Variants in MBP observed in about 807,000 individuals in gnomAD.
MBP encodes Golli-MBP.
A neutral mutation model predicts 35.8 loss-of-function variants in MBP; 16 were observed. The observed-to-expected ratio is 0.45, with a 90% CI of 0.30 to 0.68. MBP has a LOEUF of 0.68. Among genes scored for constraint, MBP ranks in the 30% least tolerant of loss-of-function variants. The pLI, the probability that MBP is intolerant of heterozygous loss-of-function variation, is 0.08. For synonymous variants in MBP, 143 were observed against 159.6 expected, an observed-to-expected ratio of 0.90 and a Z score of 0.78; for missense variants, 380 against 404.7, an observed-to-expected ratio of 0.94 and a Z score of 0.52.
In MBP at chr18:76,980,298, G is replaced by C; in HGVS notation, c.*129C>G. ...GGCTGCCGTGGCCTGACCCTACTAC[G>C]TGCACAACTCCGCAGGCATTAGGGG... On this transcript the variant is annotated 3_prime_UTR_variant, in exon 9 of 9. Coordinates refer to ENST00000355994, the MANE Select transcript of MBP (RefSeq NM_001025101.2). 1 of 879,428 alleles carries C rather than the reference G, an allele frequency of 1.1e-6. No individual in the cohort carries two copies. The highest frequency in any genetic ancestry group is 2.0e-6 in the Non-Finnish European group (1 of 511,344). 54.5% of individuals were successfully genotyped at this position (879,428 alleles called of 1,614,324 possible).
intron 3 of MBP, among the ~76,000 whole-genome samples, chr18:77,043,748 G>C (rs1348401034): frequency 6.6e-6 from 1 of 152,196 alleles, no homozygotes; most frequent in Non-Finnish European, 1.5e-5. Flanking sequence ...GGCGTGGTGA[G>C]TAAAACTTTC....
intron 2 of MBP, among the ~76,000 whole-genome samples, chr18:77,071,873 C>T (rs575713625): frequency 1.4e-4 from 22 of 152,188 alleles, no homozygotes; most frequent in African/African-American, 5.1e-4. Flanking sequence ...GTGTCAATGG[C>T]GTAGGAAGTG....
chr18:77,076,982 CTCTTAT>C (rs1211806285), intron 2 of MBP, among the ~76,000 whole-genome samples: 3 of 152,076 alleles, frequency 2.0e-5, no homozygotes, highest in Non-Finnish European at 4.4e-5. Context: ...ATAATAGTAC[CTCTTAT>C]TGTTATCAGG....
At chr18:77,098,884 A>G (rs1373425584) in intron 2 of MBP, among the ~76,000 whole-genome samples, 4 of 152,050 alleles carry the variant, frequency 2.6e-5, no homozygotes, top group Non-Finnish European at 5.9e-5. Context: ...CAATCCTTAC[A>G]ACTGCATTTA....
At chr18:77,053,150 G>T (rs931574459) in intron 3 of MBP, among the ~76,000 whole-genome samples, 1 of 152,244 alleles carries the variant, frequency 6.6e-6, no homozygotes, top group Non-Finnish European at 1.5e-5. Flanking sequence ...TGTCTCCAGG[G>T]AGCTCAACAC....
At chr18:77,114,691 C>T (rs996482388) in intron 1 of MBP, 7 of 152,336 alleles carry the variant, frequency 4.6e-5, no homozygotes, top group South Asian at 2.1e-4. Flanking sequence ...GGCAGAGTCA[C>T]GCAGGCACAC....
At chr18:77,016,251 A>G in intron 4 of MBP, 2 of 985,494 alleles carry the variant, frequency 2.0e-6, no homozygotes, top group South Asian at 4.7e-5. Flanking sequence ...AAGATAATAA[A>G]GCTTTGATTC....
At chr18:77,108,320 G>A (rs1486284633) in intron 1 of MBP, 4 of 152,220 alleles carry the variant, frequency 2.6e-5, no homozygotes, top group Non-Finnish European at 5.9e-5. Context: ...CAAATTGAGA[G>A]AGCCAGAGAA....
intron 2 of MBP, among the ~76,000 whole-genome samples, chr18:77,097,676 G>A (rs1975817092): frequency 1.3e-5 from 2 of 152,196 alleles, no homozygotes; most frequent in Admixed American, 1.3e-4. Context: ...TGTGTTAGGA[G>A]CTGCCAGCCA....
rs561627787 is a variant in MBP at position 77,010,202 on chromosome 18, A to C, written c.576+6630T>G. ...CGAGAGCAAAAGGAAAGTTTAGGGA[A>C]GAATTCTCTCCTCCAAAGTCTATTC... On this transcript the variant is annotated intron_variant, in intron 4 of 8. Coordinates refer to ENST00000355994, the MANE Select transcript of MBP (RefSeq NM_001025101.2). The C allele has an allele frequency of 4.3e-4, 214 of 493,734 alleles. 1 individual carries two copies. Among genetic ancestry groups the C allele is most frequent in the Middle Eastern group, 3.3e-3 (6 of 1,844 alleles). The allele number at this position is 493,734 out of a possible 1,614,324, so 30.6% of individuals were successfully genotyped here.
In MBP at chr18:76,988,682, G is replaced by A. The variant is rs929441942; in HGVS notation, c.718-155C>T. Reference sequence around the variant, plus strand: ...GGGGGGCCGCAGGCTCAGGGCCACAGCGGCTGTGCAGGTGCGGGAGGGACA... The same window carrying A: ...GGGGGGCCGCAGGCTCAGGGCCACAACGGCTGTGCAGGTGCGGGAGGGACA... On this transcript the variant is annotated intron_variant, in intron 6 of 8. Transcript: ENST00000355994. The surrounding 1 kb of genome is among the most constrained non-coding windows in gnomAD (Gnocchi z 5.2). 49 of 1,442,620 alleles carry A rather than the reference G, an allele frequency of 3.4e-5. No individual in the cohort carries two copies. The African/African-American group carries it at 6.4e-4, about 19-fold the overall frequency. The allele number at this position is 1,442,620 out of a possible 1,614,324, so 89.4% of individuals were successfully genotyped here. A position where few individuals can be genotyped will look rare whatever the true frequency, so the allele number is the denominator to read the frequency against.
chr18:77,125,705 T>G (rs909395671), intron 1 of MBP, among the ~76,000 whole-genome samples: 3 of 152,158 alleles, frequency 2.0e-5, no homozygotes, highest in African/African-American at 7.2e-5. Context: ...ATAGCGTAAA[T>G]CTATAGCCCT....
chr18:77,068,480 G>GT (rs1599177846), intron 2 of MBP, among the ~76,000 whole-genome samples: 1 of 152,202 alleles, frequency 6.6e-6, no homozygotes. Context: ...TTTGTTCTCT[G>GT]TGTCTGCTTT....
rs537334726 is a variant in MBP at position 77,094,602 on chromosome 18, T to TG, written c.51+10608dup. ...CACGCCAGCATTGTCTTTTTCTATT[T>TG]GGGGCATTCATAAATGTGACTGTAT... is the stretch of plus-strand genomic sequence containing the variant. On this transcript the variant is annotated intron_variant, in intron 2 of 8. Transcript: ENST00000355994. Among the ~76,000 whole-genome samples, 18 of 152,320 alleles carry TG rather than the reference T, an allele frequency of 1.2e-4. No individual in the cohort carries two copies. In the East Asian group the frequency reaches 2.7e-3, roughly 23 times the overall value.
intron 3 of MBP, among the ~76,000 whole-genome samples, chr18:77,060,383 T>C (rs1339026308): frequency 6.6e-6 from 1 of 150,974 alleles, no homozygotes; most frequent in African/African-American, 2.4e-5. Flanking sequence ...TGTATGAACG[T>C]GGCTTCAAGC....
chr18:77,061,603 C>A (rs1599165281), intron 3 of MBP, among the ~76,000 whole-genome samples: 1 of 152,190 alleles, frequency 6.6e-6, no homozygotes, highest in East Asian at 1.9e-4. Flanking sequence ...GGGTCCCCTT[C>A]CACTTGGGCA....
In MBP at chr18:77,119,022, C is replaced by T. The variant is rs150592790; in HGVS notation, c.-26+13558G>A. On this transcript the variant is annotated intron_variant, in intron 1 of 8. Coordinates refer to ENST00000355994, the MANE Select transcript of MBP (RefSeq NM_001025101.2). ...CTACCCTTGGCTGTGAGACGCTGCC[C>T]GGCAGACACACTTTCCCTTGCACCC... Among the ~76,000 whole-genome samples the T allele has an allele frequency of 5.6e-3, 724 of 130,388 alleles. 8 individuals carry two copies. Among genetic ancestry groups the T allele is most frequent in the African/African-American group, 0.02 (687 of 34,532 alleles). The allele number at this position is 130,388 out of a possible 152,430, so 85.5% of individuals were successfully genotyped here. A position where few individuals can be genotyped will look rare whatever the true frequency, so the allele number is the denominator to read the frequency against.
In MBP at chr18:77,027,723, A is replaced by C. The variant is rs1042788780; in HGVS notation, c.140-10455T>G. 9.2e-5 allele frequency among the ~76,000 whole-genome samples: 14 copies of C among 152,338 alleles called. No individual in the cohort carries two copies. The South Asian group carries it at 1.7e-3, about 18-fold the overall frequency. On this transcript the variant is annotated intron_variant, in intron 3 of 8. Coordinates refer to ENST00000355994, the MANE Select transcript of MBP (RefSeq NM_001025101.2). ...TTTATTTAGAGATGGGGTCTTGCTC[A>C]GTTGCCCATGCTGGAGTGCAGTGGC...
At chr18:77,016,364 A>T in intron 4 of MBP, 1 of 990,868 alleles carries the variant, frequency 1.0e-6, no homozygotes, top group Non-Finnish European at 1.2e-6. Context: ...GTCTTCCTCG[A>T]CCTCAATCCT....
Sources: gnomAD v4.1 joint callset for allele counts (sites outside exome capture counted in the v4.1 genomes callset) on GRCh38, gnomAD v4.1.1 for gene constraint, Gnocchi (gnomAD v3.1) non-coding constraint, MANE v1.5 for transcripts, NCBI Gene and HGNC (gene_info 2026-07-23, HGNC 2026-07-21) for gene names.